The following ROBO1 variants were observed in gnomAD, a reference collection of about 807,000 sequenced individuals.
ROBO1 encodes roundabout guidance receptor 1, also known as roundabout homolog 1.
ROBO1 carries 149 observed loss-of-function variants against 195.9 expected under a neutral mutation model. That is an observed-to-expected ratio of 0.76 (90% CI 0.67 to 0.87). The LOEUF is 0.87. ROBO1 is among the 40% of genes least tolerant of loss of function. ROBO1 has a pLI of 0.00. For synonymous variants in ROBO1, 816 were observed against 733.2 expected (o/e 1.11, Z -1.82); for missense variants, 1,933 against 2,068.3 (o/e 0.93, Z 1.27).
intron 2 of ROBO1, among the ~76,000 whole-genome samples, chr3:79,516,930 C>G (rs1940971036): frequency 6.6e-6 from 1 of 152,092 alleles, no homozygotes; most frequent in Admixed American, 6.6e-5. Context: ...AATTTATACT[C>G]CCGTAAGCAC....
chr3:78,660,845 A>G, intron 16 of ROBO1, 185 bp downstream of exon 16: 2 of 516,590 alleles, frequency 3.9e-6, no homozygotes, highest in Non-Finnish European at 3.4e-6. Flanking sequence ...AAGCAAGTCA[A>G]CTATTATAGC....
At chr3:78,731,172 G>T (rs946472364) in intron 5 of ROBO1, among the ~76,000 whole-genome samples, 2 of 152,036 alleles carry the variant, frequency 1.3e-5, no homozygotes, top group African/African-American at 4.8e-5. Context: ...GTCATAAATG[G>T]TTCCATTCCA....
intron 3 of ROBO1, among the ~76,000 whole-genome samples, chr3:79,094,888 C>T (rs1030061727): frequency 1.4e-5 from 2 of 138,980 alleles, no homozygotes; most frequent in Non-Finnish European, 1.6e-5. Flanking sequence ...CCCTTCCTTC[C>T]CCTCACCCTT....
intron 2 of ROBO1, among the ~76,000 whole-genome samples, chr3:79,535,356 T>C (rs2107623898): frequency 1.3e-5 from 2 of 152,284 alleles, no homozygotes; most frequent in Middle Eastern, 3.4e-3. Context: ...TGCCTGTAAC[T>C]AATGCACCAC....
chr3:78,675,115 C>T (rs1464390614), intron 10 of ROBO1, among the ~76,000 whole-genome samples: 2 of 151,704 alleles, frequency 1.3e-5, no homozygotes, highest in African/African-American at 2.4e-5. Context: ...ACTCACTTAA[C>T]CAAAAGCTAG....
intron 2 of ROBO1, among the ~76,000 whole-genome samples, chr3:79,537,692 A>T (rs546313555): frequency 6.6e-6 from 1 of 152,156 alleles, no homozygotes; most frequent in Non-Finnish European, 1.5e-5. Context: ...CAATGAGAAC[A>T]CGAGGACATA....
Position 78,857,606 on chromosome 3 carries a change from C to T in ROBO1, c.499+80995G>A, listed in dbSNP as rs116053093. Among the ~76,000 whole-genome samples, 862 of 152,238 alleles carry T rather than the reference C, an allele frequency of 5.7e-3. 11 individuals are homozygous for T. The highest frequency in any genetic ancestry group is 0.02 in the African/African-American group (823 of 41,550). ...CATCAGCATCATATGGGAACATTTT[C>T]GAAAGGCAAACTCTCAGACCCCACC... On this transcript the variant is annotated intron_variant, in intron 4 of 30. Transcript: ENST00000464233.
At chr3:78,947,712 C>T (rs1030660867) in intron 3 of ROBO1, among the ~76,000 whole-genome samples, 2 of 152,040 alleles carry the variant, frequency 1.3e-5, no homozygotes, top group Non-Finnish European at 2.9e-5. Context: ...TAAAACCCTT[C>T]AAAAAATTAA....
At chr3:79,149,122 T>C (rs1253723318) in intron 2 of ROBO1, among the ~76,000 whole-genome samples, 1 of 151,880 alleles carries the variant, frequency 6.6e-6, no homozygotes, top group East Asian at 1.9e-4. Flanking sequence ...ATATTATAAA[T>C]CAGGGCCTTT....
chr3:79,577,287 C>T (rs771906174), intron 2 of ROBO1, among the ~76,000 whole-genome samples: 5 of 151,974 alleles, frequency 3.3e-5, no homozygotes, highest in Non-Finnish European at 7.4e-5. Flanking sequence ...TACAAGGGGG[C>T]TTTTATTCTA....
At chr3:78,740,170 T>A (rs1024214011) in intron 5 of ROBO1, among the ~76,000 whole-genome samples, 3 of 152,122 alleles carry the variant, frequency 2.0e-5, no homozygotes, top group African/African-American at 4.8e-5. Flanking sequence ...ATCATCATCA[T>A]CTCCTTCTTC....
At chr3:79,339,429 C>T (rs2034817108) in intron 2 of ROBO1, among the ~76,000 whole-genome samples, 1 of 152,168 alleles carries the variant, frequency 6.6e-6, no homozygotes, top group African/African-American at 2.4e-5. Context: ...TGCTTTTCCA[C>T]AATACATCAC....
chr3:79,142,436 T>C (rs944896730), intron 2 of ROBO1, among the ~76,000 whole-genome samples: 4 of 152,082 alleles, frequency 2.6e-5, no homozygotes, highest in Non-Finnish European at 5.9e-5. Context: ...AGGAAGAAGA[T>C]TTGAAGGTAT....
intron 4 of ROBO1, among the ~76,000 whole-genome samples, chr3:78,933,873 A>G (rs983463900): frequency 6.6e-6 from 1 of 152,018 alleles, no homozygotes; most frequent in African/African-American, 2.4e-5. Flanking sequence ...ATGAGGATCT[A>G]AAGTGTCAAT....
intron 4 of ROBO1, among the ~76,000 whole-genome samples, chr3:78,771,957 TTAAAACAAGGAC>T (rs2083387061): frequency 6.6e-6 from 1 of 152,088 alleles, no homozygotes; most frequent in South Asian, 2.1e-4. Context: ...CACATTGCTA[TTAAAACAAGGAC>T]TACATTGCAA....
intron 4 of ROBO1, among the ~76,000 whole-genome samples, chr3:78,804,010 C>A (rs1013366381): frequency 1.3e-5 from 2 of 152,094 alleles, no homozygotes; most frequent in Non-Finnish European, 2.9e-5. Context: ...GTCTCTTGTG[C>A]CATAGAGTGT....
In ROBO1 at chr3:78,600,296, A is replaced by G; in HGVS notation, c.4758T>C (p.Pro1586=). 6.2e-7 allele frequency: 1 copy of G among 1,604,038 alleles called. No homozygotes were observed. Among genetic ancestry groups the G allele is most frequent in the South Asian group, 1.1e-5 (1 of 90,864 alleles). Residue 1586 remains proline, a synonymous_variant, in exon 30 of 31, where the codon CCT becomes CCC. Transcript: ENST00000464233. The part of the protein sequence containing the change: ...KTHLIQEDIL[P]YCRPTFPTSN... ...ATGTTGGAAAAGTAGGTCTACAATAAGGTAGAATATCCTCTGTGTAATGAA... is the reference window on the plus strand; with the variant it reads ...ATGTTGGAAAAGTAGGTCTACAATAGGGTAGAATATCCTCTGTGTAATGAA...
At chr3:79,124,644 G>A (rs191259887) in intron 3 of ROBO1, among the ~76,000 whole-genome samples, 85 of 152,116 alleles carry the variant, frequency 5.6e-4, no homozygotes, top group Admixed American at 2.2e-3. Context: ...TGTTAACAAG[G>A]ACCAATGAAG....
At chr3:78,704,627 C>CAT (rs140058750) in intron 8 of ROBO1, among the ~76,000 whole-genome samples, 42,421 of 139,652 alleles carry the variant, frequency 0.3, 6,912 homozygotes, top group African/African-American at 0.45. Flanking sequence ...CACACACACA[C>CAT]GAGTCTGGAC....
Sources: allele counts gnomAD v4.1 joint callset (sites outside exome capture counted in the v4.1 genomes callset), GRCh38; gene constraint gnomAD v4.1.1; transcripts MANE v1.5; gene names NCBI Gene and HGNC (gene_info 2026-07-23, HGNC 2026-07-21).